PTBP2: variants seen among roughly 807,000 people sequenced by gnomAD.
PTBP2 encodes the protein polypyrimidine tract-binding protein 2.
Under a neutral mutation model 61.4 loss-of-function variants are expected in PTBP2, and 13 were observed. The observed-to-expected ratio is 0.21, with a 90% CI of 0.14 to 0.34. The LOEUF is 0.34. PTBP2 is among the 10% of genes least tolerant of loss of function. The pLI, the probability that PTBP2 is intolerant of heterozygous loss-of-function variation, is 1.00. For synonymous variants in PTBP2, 215 were observed against 218.5 expected (o/e 0.98, Z 0.14); for missense variants, 405 against 642.6 (o/e 0.63, Z 4.00).
intron 2 of PTBP2, among the ~76,000 whole-genome samples, chr1:96,739,119 C>G (rs1652629194): frequency 6.6e-6 from 1 of 152,086 alleles, no homozygotes; most frequent in Non-Finnish European, 1.5e-5. Flanking sequence ...GTAGTTTTCT[C>G]CAGGTTGATG....
intron 2 of PTBP2, among the ~76,000 whole-genome samples, chr1:96,729,190 T>G (rs1479082440): frequency 6.6e-6 from 1 of 151,970 alleles, no homozygotes; most frequent in East Asian, 1.9e-4. Flanking sequence ...CCCAGCTAAT[T>G]TTTGCATTTT....
intron 2 of PTBP2, among the ~76,000 whole-genome samples, chr1:96,733,503 AC>A (rs981086435): frequency 6.6e-6 from 1 of 151,884 alleles, no homozygotes; most frequent in Non-Finnish European, 1.5e-5. Flanking sequence ...TCATAGCAAG[AC>A]CCCATCTCTA....
At chr1:96,793,387 T>C (rs563766228) in intron 8 of PTBP2, among the ~76,000 whole-genome samples, 11 of 152,302 alleles carry the variant, frequency 7.2e-5, no homozygotes, top group Non-Finnish European at 1.3e-4. Flanking sequence ...TTATTTTTTT[T>C]AGTTGGAGTA....
chr1:96,785,394 G>A lies in PTBP2; in HGVS notation c.904+140G>A, dbSNP rs1290494720. ...AGTTTTCTTTTTCTCAAGTGAGAAG[G>A]CATATGAATACTGTTAAGAAAAACC... On this transcript the variant is annotated intron_variant, in intron 8 of 13. Coordinates refer to ENST00000674951, the MANE Select transcript of PTBP2 (RefSeq NM_021190.4). The A allele has an allele frequency of 8.5e-6, 5 of 586,384 alleles. No individual in the cohort carries two copies. In the South Asian group the frequency reaches 1.2e-4, roughly 14 times the overall value. 36.3% of individuals were successfully genotyped at this position (586,384 alleles called of 1,614,324 possible).
chr1:96,721,904 T>C (rs974264039), intron 1 of PTBP2, 32 bp downstream of exon 1: 3 of 1,570,060 alleles, frequency 1.9e-6, no homozygotes, highest in Non-Finnish European at 2.6e-6. Context: ...AAGGTGTGTG[T>C]GAGAGAGGAG....
At chr1:96,812,451 A>G (rs928297857) in intron 11 of PTBP2, among the ~76,000 whole-genome samples, 2 of 152,166 alleles carry the variant, frequency 1.3e-5, no homozygotes, top group Admixed American at 1.3e-4. Flanking sequence ...TCACTATACG[A>G]TTTGTTAGCA....
chr1:96,731,369 C>T (rs1399116020), intron 2 of PTBP2, among the ~76,000 whole-genome samples: 2 of 152,064 alleles, frequency 1.3e-5, no homozygotes, highest in African/African-American at 2.4e-5. Flanking sequence ...GCTTATTTTA[C>T]ACTAAAAATT....
At chr1:96,733,015 TTC>T (rs1044714617) in intron 2 of PTBP2, among the ~76,000 whole-genome samples, 12 of 133,324 alleles carry the variant, frequency 9.0e-5, no homozygotes, top group Non-Finnish European at 1.7e-4. Context: ...TCTGCTTTCT[TTC>T]TTTCTTTTTT....
At chr1:96,743,045 G>A (rs1014371659) in intron 2 of PTBP2, among the ~76,000 whole-genome samples, 6 of 152,032 alleles carry the variant, frequency 3.9e-5, no homozygotes, top group Non-Finnish European at 7.4e-5. Context: ...CCAGCACTTC[G>A]GGAGGCTGAG....
chr1:96,821,003 G>C (rs1557790744), exon 14 of PTBP2: 1 of 152,182 alleles, frequency 6.6e-6, no homozygotes, highest in Non-Finnish European at 1.5e-5. Flanking sequence ...GGGAACAGGA[G>C]GCTGAGCATA....
At chr1:96,752,605 A>G (rs530131267) in intron 3 of PTBP2, among the ~76,000 whole-genome samples, 22 of 152,292 alleles carry the variant, frequency 1.4e-4, no homozygotes, top group African/African-American at 4.3e-4. Context: ...TCAAAGTACC[A>G]TGTACACATA....
chr1:96,780,049 T>C (rs892433347), intron 7 of PTBP2, among the ~76,000 whole-genome samples: 5 of 152,082 alleles, frequency 3.3e-5, no homozygotes, highest in African/African-American at 1.2e-4. Flanking sequence ...TCTCACTTGC[T>C]TGAAGAGGAA....
chr1:96,801,637 C>G (rs1233959872), intron 8 of PTBP2, among the ~76,000 whole-genome samples: 1 of 149,402 alleles, frequency 6.7e-6, no homozygotes, highest in Non-Finnish European at 1.5e-5. Context: ...GGTGGATCAC[C>G]TGAGGTCAGG....
At chr1:96,758,033 TC>T (rs1557716286) in intron 3 of PTBP2, among the ~76,000 whole-genome samples, 1 of 152,072 alleles carries the variant, frequency 6.6e-6, no homozygotes, top group African/African-American at 2.4e-5. Context: ...ATAATCACTT[TC>T]AGAGAAAGTG....
chr1:96,727,589 A>G (rs7541317), intron 2 of PTBP2, among the ~76,000 whole-genome samples: 51,391 of 151,968 alleles, frequency 0.34, 8,922 homozygotes, highest in East Asian at 0.47. Flanking sequence ...TAGATATTGT[A>G]GTGTATATGA....
At chr1:96,762,142 C>CA (rs1383756933) in intron 3 of PTBP2, among the ~76,000 whole-genome samples, 1 of 151,132 alleles carries the variant, frequency 6.6e-6, no homozygotes, top group Non-Finnish European at 1.5e-5. Flanking sequence ...TCTACACAGA[C>CA]ACGGCAACCA....
At chr1:96,761,096 C>T (rs1421303523) in intron 3 of PTBP2, among the ~76,000 whole-genome samples, 3 of 152,110 alleles carry the variant, frequency 2.0e-5, no homozygotes, top group Non-Finnish European at 4.4e-5. Context: ...AAGAGCAGAT[C>T]ATTAATTTTT....
exon 14 of PTBP2, chr1:96,822,343 CAGAA>C (rs1276801415): frequency 6.6e-6 from 1 of 152,066 alleles, no homozygotes; most frequent in Non-Finnish European, 1.5e-5. Flanking sequence ...AAAAAAGGAC[CAGAA>C]TCAAGATTAC....
chr1:96,812,628 A>C, intron 11 of PTBP2, 84 bp from the exon 12 acceptor site: 1 of 1,129,670 alleles, frequency 8.9e-7, no homozygotes, highest in Non-Finnish European at 1.2e-6. Flanking sequence ...AGAAAATTCA[A>C]ATTTTTAAAC....
Sources: gnomAD v4.1 joint callset for allele counts (sites outside exome capture counted in the v4.1 genomes callset) on GRCh38, gnomAD v4.1.1 for gene constraint, MANE v1.5 for transcripts, NCBI Gene and HGNC (gene_info 2026-07-23, HGNC 2026-07-21) for gene names.